The following BCAT1 variants were observed in gnomAD, a reference collection of about 807,000 sequenced individuals.
The protein encoded by BCAT1 is branched chain amino acid transaminase 1.
Under a neutral mutation model 52.4 loss-of-function variants are expected in BCAT1, and 48 were observed. That is an observed-to-expected ratio of 0.92 (90% CI 0.73 to 1.16). BCAT1 has a LOEUF of 1.16. Among genes scored for constraint, BCAT1 ranks in the 50% most tolerant of loss-of-function variants. BCAT1 has a pLI of 0.00. For synonymous variants in BCAT1, 167 were observed against 161.3 expected (o/e 1.04, Z -0.27); for missense variants, 451 against 457.1 (o/e 0.99, Z 0.12).
At chr12:24,887,080 A>AAAAAT (rs1245203518) in intron 3 of BCAT1, among the ~76,000 whole-genome samples, 47 of 40,736 alleles carry the variant, frequency 1.2e-3, no homozygotes, top group Non-Finnish European at 1.2e-3. Context: ...AAAAAAAAAA[A>AAAAAT]ATATATATAT....
chr12:24,890,576 C>A (rs896903730), intron 3 of BCAT1, among the ~76,000 whole-genome samples: 3 of 152,154 alleles, frequency 2.0e-5, no homozygotes, highest in African/African-American at 4.8e-5. Context: ...CATTAGCATG[C>A]TAACAGACAC....
chr12:24,876,723 CATGTTCTCTTATAAGTGGG>C (rs1591830464), intron 5 of BCAT1, among the ~76,000 whole-genome samples: 1 of 152,142 alleles, frequency 6.6e-6, no homozygotes, highest in African/African-American at 2.4e-5. Context: ...CCAAACACTG[CATGTTCTCTTATAAGTGGG>C]AGCTGAACAA....
chr12:24,890,794 C>A lies in BCAT1; in HGVS notation c.279+3481G>T, dbSNP rs138807242. On this transcript the variant is annotated intron_variant, in intron 3 of 10. Transcript: ENST00000261192. ...GCAGCCCTCGGAGCTCCTCTGTCTA[C>A]GGAGTAGCCATTCTTTTTTTCCTTT... 2.0e-5 allele frequency among the ~76,000 whole-genome samples: 3 copies of A among 152,300 alleles called. No homozygotes were observed. In the East Asian group the frequency reaches 5.8e-4, roughly 29 times the overall value.
At position 24,917,820 on chromosome 12, in the gene BCAT1, C is replaced by G. The variant is rs192432191; in HGVS notation, c.7-15935G>C. Among the ~76,000 whole-genome samples the G allele has an allele frequency of 2.0e-5, 3 of 152,302 alleles. No individual in the cohort carries two copies. The East Asian group carries it at 5.8e-4, about 29-fold the overall frequency. On this transcript the variant is annotated intron_variant, in intron 1 of 10. Coordinates refer to ENST00000261192, the MANE Select transcript of BCAT1 (RefSeq NM_005504.7). The stretch of plus-strand genomic sequence containing the variant: ...CAGAGAGAGGGAACTTCTCTGGGCT[C>G]TCCTCCACACCAAATCAGTTGGTAG...
At chr12:24,902,708 C>G (rs1943145034) in intron 1 of BCAT1, 1 of 604,042 alleles carries the variant, frequency 1.7e-6, no homozygotes, top group South Asian at 2.3e-5. Flanking sequence ...AGCGGGTTAC[C>G]CATGAGGGTG....
chr12:24,816,925 T>C lies in BCAT1; in HGVS notation c.*1083A>G, dbSNP rs894292812. ...GAGCTGACAAGAGGTGGAGTTCAGG[T>C]GGTAATTCGAGTGATGGGAAGTAGC... is the stretch of plus-strand genomic sequence containing the variant. On this transcript the variant is annotated 3_prime_UTR_variant, in exon 11 of 11. Coordinates refer to ENST00000261192, the MANE Select transcript of BCAT1 (RefSeq NM_005504.7). 1.3e-5 allele frequency: 3 copies of C among 224,394 alleles called. No individual in the cohort carries two copies. The highest frequency in any genetic ancestry group is 1.8e-4 in the East Asian group (2 of 10,944). 13.9% of individuals were successfully genotyped at this position (224,394 alleles called of 1,614,324 possible). A position where few individuals can be genotyped will look rare whatever the true frequency, so the allele number is the denominator to read the frequency against.
intron 1 of BCAT1, among the ~76,000 whole-genome samples, chr12:24,945,249 C>G (rs541250639): frequency 1.2e-4 from 18 of 152,274 alleles, no homozygotes; most frequent in Middle Eastern, 3.4e-3. Context: ...AAACTGTTTA[C>G]CAATATTTGC....
At chr12:24,932,238 T>G (rs932093153) in intron 1 of BCAT1, among the ~76,000 whole-genome samples, 1 of 152,180 alleles carries the variant, frequency 6.6e-6, no homozygotes, top group East Asian at 1.9e-4. Context: ...CTCAGGGGCA[T>G]TTCACCACAC....
At chr12:24,820,000 T>C (rs1053479675) in intron 10 of BCAT1, among the ~76,000 whole-genome samples, 2 of 152,244 alleles carry the variant, frequency 1.3e-5, no homozygotes, top group African/African-American at 4.8e-5. Context: ...CATTAATATA[T>C]TAAACACTTT....
rs1943126091 is a variant in BCAT1, at chr12:24,902,217, G to C, written c.7-332C>G. ...AAACAATTGTCTCCCTTATATCCGA[G>C]CAAATAGTCTAGACTGGGGTGTTAA... is the stretch of plus-strand genomic sequence containing the variant. On this transcript the variant is annotated intron_variant, in intron 1 of 10. Transcript: ENST00000261192. 6.3e-6 allele frequency: 9 copies of C among 1,418,874 alleles called. No homozygotes were observed. In the South Asian group the frequency reaches 1.3e-4, roughly 20 times the overall value. The allele number at this position is 1,418,874 out of a possible 1,614,324, so 87.9% of individuals were successfully genotyped here.
At chr12:24,891,336 G>A (rs1028259231) in intron 3 of BCAT1, among the ~76,000 whole-genome samples, 1 of 152,038 alleles carries the variant, frequency 6.6e-6, no homozygotes, top group Non-Finnish European at 1.5e-5. Flanking sequence ...AAATTATGAA[G>A]CATTAGCATG....
At chr12:24,856,051 A>T (rs1471452091) in intron 5 of BCAT1, among the ~76,000 whole-genome samples, 1 of 152,172 alleles carries the variant, frequency 6.6e-6, no homozygotes, top group Non-Finnish European at 1.5e-5. Flanking sequence ...AGGCCAAACC[A>T]ATATATGGCT....
At chr12:24,820,452 A>C (rs3926539) in intron 10 of BCAT1, among the ~76,000 whole-genome samples, 1 of 152,054 alleles carries the variant, frequency 6.6e-6, no homozygotes. Context: ...CCTTAAGAGT[A>C]AGTAAGTATA....
At chr12:24,938,863 G>GTTAT (rs1943807216) in intron 1 of BCAT1, among the ~76,000 whole-genome samples, 1 of 117,926 alleles carries the variant, frequency 8.5e-6, no homozygotes, top group Admixed American at 9.9e-5. Context: ...TATTGCCTTT[G>GTTAT]CTATTTATTT....
intron 1 of BCAT1, among the ~76,000 whole-genome samples, chr12:24,926,802 C>T (rs1380484978): frequency 6.6e-6 from 1 of 152,074 alleles, no homozygotes; most frequent in Non-Finnish European, 1.5e-5. Context: ...TCTCAAGTAC[C>T]CAGGGACACA....
At chr12:24,832,427 T>A (rs374193727) in intron 9 of BCAT1, among the ~76,000 whole-genome samples, 1 of 152,114 alleles carries the variant, frequency 6.6e-6, no homozygotes, top group African/African-American at 2.4e-5. Context: ...AGACCTAGCA[T>A]GGTGCGGTGG....
chr12:24,922,186 T>C (rs951980292), intron 1 of BCAT1, among the ~76,000 whole-genome samples: 2 of 152,154 alleles, frequency 1.3e-5, no homozygotes, highest in African/African-American at 4.8e-5. Flanking sequence ...CAGACTCTCA[T>C]TACATTGTCC....
At chr12:24,833,240 C>T (rs11047672) in intron 8 of BCAT1, among the ~76,000 whole-genome samples, 15,513 of 152,138 alleles carry the variant, frequency 0.1, 966 homozygotes, top group Non-Finnish European at 0.13. Flanking sequence ...TGTCTTAGGC[C>T]GGGCACGGTG....
intron 10 of BCAT1, among the ~76,000 whole-genome samples, chr12:24,822,945 T>C (rs1566552709): frequency 6.6e-6 from 1 of 152,188 alleles, no homozygotes; most frequent in Non-Finnish European, 1.5e-5. Context: ...AAAGGTTTTT[T>C]CCCCGTCTCC....
Sources: gnomAD v4.1 joint callset for allele counts (sites outside exome capture counted in the v4.1 genomes callset) on GRCh38, gnomAD v4.1.1 for gene constraint, MANE v1.5 for transcripts, NCBI Gene and HGNC (gene_info 2026-07-23, HGNC 2026-07-21) for gene names.